The following TEX9 variants were observed in gnomAD, a reference collection of about 807,000 sequenced individuals.
TEX9 encodes testis-expressed protein 9.
Under a neutral mutation model 59.6 loss-of-function variants are expected in TEX9, and 74 were observed. That is an observed-to-expected ratio of 1.24 (90% CI 1.03 to 1.51). TEX9 has a LOEUF of 1.51. Ranked by LOEUF, TEX9 falls within the 40% of genes most tolerant of loss-of-function variation. The pLI is 0.00. For missense variants in TEX9, 522 were observed against 447.8 expected (o/e 1.17, Z -1.49); for synonymous variants, 186 against 152.2 (o/e 1.22, Z -1.64).
chr15:56,408,112 T>C (rs1482208288), intron 9 of TEX9, among the ~76,000 whole-genome samples: 1 of 152,212 alleles, frequency 6.6e-6, no homozygotes, highest in Non-Finnish European at 1.5e-5. Context: ...TCCTATATCA[T>C]TGCTCCCCTT....
At chr15:56,337,097 C>T (rs1177764038) in intron 1 of TEX9, among the ~76,000 whole-genome samples, 1 of 152,118 alleles carries the variant, frequency 6.6e-6, no homozygotes, top group African/African-American at 2.4e-5. Context: ...TCTAGTTAGT[C>T]TTTTTTTCCT....
At chr15:56,279,344 T>A (rs2044759396) in intron 1 of TEX9, among the ~76,000 whole-genome samples, 1 of 152,182 alleles carries the variant, frequency 6.6e-6, no homozygotes, top group Non-Finnish European at 1.5e-5. Context: ...GGAATAATTT[T>A]TAAAAATTAA....
intron 1 of TEX9, among the ~76,000 whole-genome samples, chr15:56,309,693 G>GTTTTTTTTTTTTTTTTTTTTT (rs60648387): frequency 4.9e-5 from 3 of 60,786 alleles, no homozygotes; most frequent in African/African-American, 7.3e-5. Context: ...TTTATGGGAA[G>GTTTTTTTTTTTTTTTTTTTTT]TTTTTTTTTT....
intron 1 of TEX9, among the ~76,000 whole-genome samples, chr15:56,315,038 G>C (rs1256625769): frequency 6.6e-6 from 1 of 151,138 alleles, no homozygotes; most frequent in African/African-American, 2.4e-5. Context: ...TTGAGCCTAT[G>C]TGTGTCTCTG....
At chr15:56,316,882 C>T (rs1209198664) in intron 1 of TEX9, among the ~76,000 whole-genome samples, 8 of 152,208 alleles carry the variant, frequency 5.3e-5, no homozygotes, top group Non-Finnish European at 8.8e-5. Flanking sequence ...GTCGGAAAAG[C>T]GCAGTATTCG....
At chr15:56,381,317 G>T (rs2047715693) in intron 3 of TEX9, among the ~76,000 whole-genome samples, 1 of 151,968 alleles carries the variant, frequency 6.6e-6, no homozygotes, top group Non-Finnish European at 1.5e-5. Flanking sequence ...TGTTACTTGG[G>T]TTTCTTTGAG....
intron 9 of TEX9, among the ~76,000 whole-genome samples, chr15:56,403,810 C>G (rs1163984432): frequency 5.3e-5 from 8 of 152,082 alleles, no homozygotes; most frequent in Non-Finnish European, 1.5e-5. Flanking sequence ...CAGAACAGAG[C>G]CCTCAGAAAT....
At chr15:56,458,819 G>C in the TEX9 span, among the ~76,000 whole-genome samples, 1 of 152,072 alleles carries the variant, frequency 6.6e-6, no homozygotes, top group African/African-American at 2.4e-5. Flanking sequence ...ATATTCCATT[G>C]TCTGGATGTA....
chr15:56,289,087 A>G (rs2141492215), intron 1 of TEX9, among the ~76,000 whole-genome samples: 1 of 152,208 alleles, frequency 6.6e-6, no homozygotes, highest in East Asian at 1.9e-4. Flanking sequence ...ATATAATTTC[A>G]ATCTCATTGT....
At chr15:56,394,859 C>A in intron 9 of TEX9, 25 bp downstream of exon 9, 1 of 1,590,972 alleles carries the variant, frequency 6.3e-7, no homozygotes. Flanking sequence ...TTTTTCCTAA[C>A]TTAATGCCAC....
At chr15:56,443,687 A>C (rs748769747) in intron 12 of TEX9, 1 of 1,613,378 alleles carries the variant, frequency 6.2e-7, no homozygotes, top group South Asian at 1.1e-5. Flanking sequence ...AACTTTTGCC[A>C]TCCGATCTTC....
intron 10 of TEX9, among the ~76,000 whole-genome samples, chr15:56,426,693 T>C (rs2050297698): frequency 6.8e-6 from 1 of 147,496 alleles, no homozygotes; most frequent in Non-Finnish European, 1.5e-5. Flanking sequence ...ATTTCTTTTT[T>C]CTCCATCTTT....
chr15:56,333,759 C>T (rs1472603143), intron 1 of TEX9, among the ~76,000 whole-genome samples: 2 of 152,060 alleles, frequency 1.3e-5, no homozygotes, highest in African/African-American at 4.8e-5. Context: ...ATGATATGAT[C>T]TTATATTTGG....
At chr15:56,311,083 C>T (rs192654186) in intron 1 of TEX9, among the ~76,000 whole-genome samples, 1 of 152,128 alleles carries the variant, frequency 6.6e-6, no homozygotes, top group African/African-American at 2.4e-5. Flanking sequence ...CTGTGCCTTA[C>T]AGTGTACTTC....
chr15:56,311,895 T>A (rs1241369589), intron 1 of TEX9, among the ~76,000 whole-genome samples: 1 of 147,896 alleles, frequency 6.8e-6, no homozygotes, highest in Admixed American at 6.8e-5. Flanking sequence ...TGATGGCCAG[T>A]GATGATGAGC....
At chr15:56,359,776 C>A (rs1423733730) in intron 1 of TEX9, among the ~76,000 whole-genome samples, 1 of 152,042 alleles carries the variant, frequency 6.6e-6, no homozygotes, top group Admixed American at 6.6e-5. Flanking sequence ...GCTAGAACTT[C>A]AGATGTAATA....
At position 56,444,288 on chromosome 15, in the gene TEX9, G is replaced by C. The variant is rs1002887668; in HGVS notation, c.*30-1383G>C. On this transcript the variant is annotated intron_variant, in intron 12 of 12. Transcript: ENST00000352903. ...TTATTAATTATGCTAACGGAGATGA[G>C]AAGGAGTTGGTCCCAATTTATGTTT... Among the ~76,000 whole-genome samples, 6 of 152,046 alleles carry C rather than the reference G, an allele frequency of 3.9e-5. No individual in the cohort carries two copies. In the East Asian group the frequency reaches 1.2e-3, roughly 29 times the overall value.
intron 1 of TEX9, among the ~76,000 whole-genome samples, chr15:56,340,103 A>G (rs2046343925): frequency 6.6e-6 from 1 of 152,138 alleles, no homozygotes; most frequent in Non-Finnish European, 1.5e-5. Context: ...AATCTTTGCC[A>G]TTCCCCCTAG....
At chr15:56,368,775 A>T (rs1344076478) in intron 2 of TEX9, among the ~76,000 whole-genome samples, 4 of 152,028 alleles carry the variant, frequency 2.6e-5, no homozygotes, top group Admixed American at 1.3e-4. Flanking sequence ...TAGCTTTCCA[A>T]TATTGTTTAT....
Sources: gnomAD v4.1 joint callset for allele counts (sites outside exome capture counted in the v4.1 genomes callset) on GRCh38, gnomAD v4.1.1 for gene constraint, MANE v1.5 for transcripts, NCBI Gene and HGNC (gene_info 2026-07-23, HGNC 2026-07-21) for gene names.